OR56A3: variants seen among roughly 807,000 people sequenced by gnomAD.
The protein encoded by OR56A3 is olfactory receptor family 56 subfamily A member 3.
A neutral mutation model predicts 17.5 loss-of-function variants in OR56A3; 23 were observed. The ratio of observed to expected loss-of-function variants is 1.32; its 90% CI spans 0.95 to 1.87. The LOEUF (loss-of-function observed/expected upper bound fraction) is 1.87, where lower values mean the gene tolerates loss of function less well. Among genes scored for constraint, OR56A3 ranks in the 40% most tolerant of loss-of-function variants. OR56A3 has a pLI of 0.00. For synonymous variants in OR56A3, 175 were observed against 150.6 expected (o/e 1.16, Z -1.19); for missense variants, 366 against 380.1 (o/e 0.96, Z 0.31).
the OR56A3 span, chr11:5,994,784 C>T: frequency 1.3e-6 from 1 of 755,476 alleles, no homozygotes; most frequent in Non-Finnish European, 2.4e-6. Flanking sequence ...GAAGTAATGT[C>T]CCCAGTCTAC....
the OR56A3 span, chr11:6,001,569 A>G: frequency 7.9e-4 from 122 of 153,992 alleles, no homozygotes; most frequent in Non-Finnish European, 1.0e-3. Context: ...CTCAACCCCA[A>G]GTTGTTCCAG....
the OR56A3 span, among the ~76,000 whole-genome samples, chr11:5,983,538 C>T: frequency 6.6e-6 from 1 of 152,060 alleles, no homozygotes; most frequent in African/African-American, 2.4e-5. Context: ...TAGCAATAAG[C>T]CCAAAGTTCC....
the OR56A3 span, among the ~76,000 whole-genome samples, chr11:6,004,575 A>T: frequency 6.6e-6 from 1 of 152,230 alleles, no homozygotes; most frequent in African/African-American, 2.4e-5. Flanking sequence ...AACATAAATT[A>T]TACAATATAC....
chr11:5,984,991 T>C, the OR56A3 span, among the ~76,000 whole-genome samples: 1 of 152,084 alleles, frequency 6.6e-6, no homozygotes, highest in Admixed American at 6.6e-5. Flanking sequence ...CAGTCATCTT[T>C]TAAGTTTTCA....
the OR56A3 span, among the ~76,000 whole-genome samples, chr11:5,965,510 G>C: frequency 2.0e-5 from 3 of 152,096 alleles, no homozygotes; most frequent in African/African-American, 7.2e-5. Flanking sequence ...CTTTTTGTAA[G>C]TATCTTTGGA....
chr11:5,948,004 C>T lies in OR56A3; in HGVS notation c.658C>T (p.Leu220Phe), dbSNP rs1847883710. The change falls in exon 3 of 3, where the codon CTC (leucine) becomes TTC (phenylalanine). Residue 220 changes from leucine (L) to phenylalanine (F), a missense_variant. By Grantham distance (22) the Leu-to-Phe change is conservative (BLOSUM62 0). Coordinates refer to ENST00000641160, the MANE Select transcript of OR56A3 (RefSeq NM_001003443.3). ...LLGSDLILIF[L>F]SYTFILRAVL... ...AGGATCTGACCTCATCCTTATCTTC[C>T]TCTCCTACACCTTCATTCTGCGAGC... 7.4e-6 allele frequency: 12 copies of T among 1,614,106 alleles called. No homozygotes were observed. The highest frequency in any genetic ancestry group is 3.3e-5 in the Admixed American group (2 of 60,012).
At chr11:5,999,242 A>T in the OR56A3 span, among the ~76,000 whole-genome samples, 1 of 152,172 alleles carries the variant, frequency 6.6e-6, no homozygotes, top group Non-Finnish European at 1.5e-5. Context: ...GGATACCTTA[A>T]TGCCCCAAGG....
chr11:5,966,200 G>A, the OR56A3 span, among the ~76,000 whole-genome samples: 8 of 119,152 alleles, frequency 6.7e-5, no homozygotes, highest in African/African-American at 1.6e-4. Flanking sequence ...GTGAAACCCC[G>A]TCTCTACAAA....
the OR56A3 span, chr11:6,002,722 C>A: frequency 6.2e-7 from 1 of 1,614,078 alleles, no homozygotes; most frequent in Non-Finnish European, 8.5e-7. Flanking sequence ...GACCTGAGGT[C>A]AAACCAGAAG....
chr11:5,962,060 ACTT>A, the OR56A3 span, among the ~76,000 whole-genome samples: 1 of 152,170 alleles, frequency 6.6e-6, no homozygotes, highest in Non-Finnish European at 1.5e-5. Flanking sequence ...GTTGAGGTAA[ACTT>A]CTTCTATACC....
chr11:5,994,620 T>C, the OR56A3 span: 1 of 784,378 alleles, frequency 1.3e-6, no homozygotes, highest in Non-Finnish European at 2.3e-6. Context: ...AGCCCATGGA[T>C]TTCGCTCTTC....
At chr11:5,991,669 G>A in the OR56A3 span, among the ~76,000 whole-genome samples, 1 of 152,160 alleles carries the variant, frequency 6.6e-6, no homozygotes, top group Non-Finnish European at 1.5e-5. Context: ...GAATTCAGCT[G>A]GCCATAGTCT....
At chr11:5,959,488 C>T in the OR56A3 span, among the ~76,000 whole-genome samples, 1 of 151,994 alleles carries the variant, frequency 6.6e-6, no homozygotes, top group South Asian at 2.1e-4. Context: ...GATATTTTGC[C>T]TGTTTTTTAT....
chr11:5,984,866 C>A, the OR56A3 span, among the ~76,000 whole-genome samples: 1 of 152,184 alleles, frequency 6.6e-6, no homozygotes, highest in South Asian at 2.1e-4. Flanking sequence ...ATCAAAGTAG[C>A]AATGACTTGA....
the OR56A3 span, among the ~76,000 whole-genome samples, chr11:5,975,649 G>A: frequency 1.3e-5 from 2 of 151,948 alleles, no homozygotes; most frequent in East Asian, 1.9e-4. Context: ...GTTATTGTGA[G>A]TAGTGCCGCA....
chr11:5,969,037 C>T, the OR56A3 span, among the ~76,000 whole-genome samples: 1 of 152,114 alleles, frequency 6.6e-6, no homozygotes, highest in South Asian at 2.1e-4. Flanking sequence ...AACCCTATTA[C>T]AAACCTGAGG....
the OR56A3 span, among the ~76,000 whole-genome samples, chr11:5,997,312 C>T: frequency 6.6e-6 from 1 of 152,194 alleles, no homozygotes; most frequent in Non-Finnish European, 1.5e-5. Context: ...TATGGAACAC[C>T]TGGGTCCCTA....
the OR56A3 span, among the ~76,000 whole-genome samples, chr11:5,973,045 T>C: frequency 0.016 from 2,487 of 152,324 alleles, 60 homozygotes; most frequent in African/African-American, 0.055. Context: ...TTTTCAGAAT[T>C]TCTTAAGAAA....
chr11:5,955,566 C>T (rs979040502), downstream of OR56A3, among the ~76,000 whole-genome samples: 1 of 152,038 alleles, frequency 6.6e-6, no homozygotes, highest in Non-Finnish European at 1.5e-5. Context: ...CAAGCGGGCA[C>T]CTTGGGAGAT....
Sources: gnomAD v4.1 joint callset for allele counts (sites outside exome capture counted in the v4.1 genomes callset) on GRCh38, gnomAD v4.1.1 for gene constraint, MANE v1.5 for transcripts, NCBI Gene and HGNC (gene_info 2026-07-23, HGNC 2026-07-21) for gene names.